The following LYST variants were observed in gnomAD, a reference collection of about 807,000 sequenced individuals.
LYST encodes the protein lysosomal trafficking regulator.
Under a neutral mutation model 413.6 loss-of-function variants are expected in LYST, and 192 were observed. The observed-to-expected ratio is 0.46, with a 90% CI of 0.41 to 0.52. The LOEUF (loss-of-function observed/expected upper bound fraction) is 0.52, where lower values mean the gene tolerates loss of function less well. LYST is among the 20% of genes least tolerant of loss of function. The pLI is 0.00. For missense variants in LYST, 3,815 were observed against 4,499.9 expected (o/e 0.85, Z 4.35); for synonymous variants, 1,525 against 1,567.3 (o/e 0.97, Z 0.64).
rs80338669 is a variant in LYST, at chr1:235,709,107, T to C, written c.10127A>G (p.Asn3376Ser). ...QKGKASVQAI[N>S]VFHPATYFGM... ...GTCACTTACAGCAGGATGAAAAACATTGATCGCTTGAACAGAAGCCTTCCC... is the reference window on the plus strand; with the variant it reads ...GTCACTTACAGCAGGATGAAAAACACTGATCGCTTGAACAGAAGCCTTCCC... The change falls in exon 44 of 53, where the codon AAT becomes AGT. Residue 3376 changes from asparagine (N) to serine (S), a missense_variant. Physicochemically the swap from Asn to Ser is conservative, Grantham distance 46. Coordinates refer to ENST00000389793, the MANE Select transcript of LYST (RefSeq NM_000081.4). 9.3e-6 allele frequency: 15 copies of C among 1,613,888 alleles called. No homozygotes were observed. The highest frequency in any genetic ancestry group is 1.2e-5 in the Non-Finnish European group (14 of 1,179,912).
chr1:235,752,477 C>T (rs113567183), intron 26 of LYST, among the ~76,000 whole-genome samples: 15 of 152,128 alleles, frequency 9.9e-5, no homozygotes, highest in African/African-American at 3.4e-4. Context: ...GATTAATACA[C>T]GATACTATAA....
At chr1:235,798,574 GT>G (rs1357565138) in intron 10 of LYST, among the ~76,000 whole-genome samples, 7 of 51,980 alleles carry the variant, frequency 1.3e-4, no homozygotes, top group Non-Finnish European at 2.0e-4. Context: ...GCAAAACCCT[GT>G]CATAAAAAAA....
intron 39 of LYST, among the ~76,000 whole-genome samples, chr1:235,723,340 G>A (rs964588899): frequency 2.0e-5 from 3 of 152,184 alleles, no homozygotes; most frequent in Non-Finnish European, 4.4e-5. Context: ...AAATGTGTAA[G>A]TTGTTAGAAT....
In LYST at chr1:235,709,145, C is replaced by T. The variant is rs918441712; in HGVS notation, c.10089G>A (p.Gly3363=). 1.2e-6 allele frequency: 2 copies of T among 1,614,074 alleles called. No individual in the cohort carries two copies. Among genetic ancestry groups the T allele is most frequent in the Non-Finnish European group, 8.5e-7 (1 of 1,180,008 alleles). Residue 3363 remains glycine (G), a synonymous_variant, in exon 44 of 53, where the codon GGG becomes GGA. Transcript: ENST00000389793. ...CAGAAGCCTTCCCCTTTTGCTTATACCCAAACACCAAGTCAATCCACTGAC... is the reference window on the plus strand; with the variant it reads ...CAGAAGCCTTCCCCTTTTGCTTATATCCAAACACCAAGTCAATCCACTGAC... ...NICQWIDLVF[G]YKQKGKASVQ...
chr1:235,810,093 GCTGGCTCA>G lies in LYST; in HGVS notation c.717_724del (p.Glu240CysfsTer7). 1 of 1,614,036 alleles carries G rather than the reference GCTGGCTCA, an allele frequency of 6.2e-7. No individual in the cohort carries two copies. On this transcript the variant is annotated frameshift_variant, in exon 5 of 53. Coordinates refer to ENST00000389793, the MANE Select transcript of LYST (RefSeq NM_000081.4). LOFTEE classifies it high-confidence loss of function. The stretch of plus-strand genomic sequence containing the variant: ...CATGTTACTGATAACAGACAAGGCA[GCTGGCTCA>G]CTTAAAATGTCAGTGTTTGACCCCT...
chr1:235,780,834 T>C (rs1669794920), intron 16 of LYST, 31 bp downstream of exon 16: 2 of 954,566 alleles, frequency 2.1e-6, no homozygotes, highest in African/African-American at 1.7e-5. Flanking sequence ...ACATTTACTA[T>C]AAAATTAAAA....
chr1:235,737,957 G>C, intron 31 of LYST: 2 of 1,273,640 alleles, frequency 1.6e-6, no homozygotes, highest in South Asian at 2.6e-5. Flanking sequence ...CCCGCCGGAC[G>C]TGCATTCTCG....
In LYST at chr1:235,765,269, TC is replaced by T. The variant is rs553042932; in HGVS notation, c.6121+809del. Among the ~76,000 whole-genome samples the T allele has an allele frequency of 2.8e-4, 42 of 152,282 alleles. No homozygotes were observed. The East Asian group carries it at 7.3e-3, about 27-fold the overall frequency. ...CTCCAGAGTCATTCCATCCTAAACTTCCCACTTCTCAATTTATCCCTCCTTT... is the reference window on the plus strand; with the variant it reads ...CTCCAGAGTCATTCCATCCTAAACTTCCACTTCTCAATTTATCCCTCCTTT... On this transcript the variant is annotated intron_variant, in intron 21 of 52. Transcript: ENST00000389793.
At chr1:235,757,260 A>G (rs1191886446) in intron 24 of LYST, 21 bp downstream of exon 24, 21 of 1,553,202 alleles carry the variant, frequency 1.4e-5, no homozygotes, top group Admixed American at 3.4e-5. Flanking sequence ...TTAAAATAAC[A>G]TATCTAGTAT....
chr1:235,699,696 C>T (rs1457669019), intron 45 of LYST, among the ~76,000 whole-genome samples: 11 of 152,226 alleles, frequency 7.2e-5, no homozygotes, highest in African/African-American at 2.2e-4. Flanking sequence ...TTCCCACTAA[C>T]GGTGTAAAAG....
At chr1:235,726,040 T>C (rs1226234229) in intron 38 of LYST, among the ~76,000 whole-genome samples, 3 of 152,228 alleles carry the variant, frequency 2.0e-5, no homozygotes, top group Non-Finnish European at 4.4e-5. Context: ...AGAGAAATAA[T>C]GAAAAGTTTC....
intron 2 of LYST, among the ~76,000 whole-genome samples, chr1:235,833,306 T>C (rs1156530261): frequency 6.6e-6 from 1 of 152,168 alleles, no homozygotes; most frequent in Non-Finnish European, 1.5e-5. Flanking sequence ...ACAAAGAATA[T>C]ATAACATGAG....
In LYST at chr1:235,677,192, A is replaced by G. The variant is rs1285268449; in HGVS notation, c.10941-4T>C. The G allele has an allele frequency of 6.3e-7, 1 of 1,593,130 alleles. No homozygotes were observed. The highest frequency in any genetic ancestry group is 8.6e-7 in the Non-Finnish European group (1 of 1,160,896). ...CAGACTTTGTACATAGCATAACCTG[A>G]AAGAAAAAAGACATGAATTTGTATA... is the stretch of plus-strand genomic sequence containing the variant. On this transcript the variant is annotated splice_polypyrimidine_tract_variant and splice_region_variant and intron_variant, in intron 49 of 52. Transcript: ENST00000389793.
In LYST at chr1:235,686,652, G is replaced by A. The variant is rs1660246975; in HGVS notation, c.10800+297C>T. On this transcript the variant is annotated intron_variant, in intron 48 of 52. Coordinates refer to ENST00000389793, the MANE Select transcript of LYST (RefSeq NM_000081.4). This position sits in a 1 kb window ranked among gnomAD's most constrained non-coding sequence, Gnocchi z 4.0. ...ATAGACTCTTACAGTATACTCCTAA[G>A]GATTCAGGTTGCTATCGCAAATACA... is the stretch of plus-strand genomic sequence containing the variant. 6.6e-6 allele frequency among the ~76,000 whole-genome samples: 1 copy of A among 152,076 alleles called. No homozygotes were observed. The highest frequency in any genetic ancestry group is 2.1e-4 in the South Asian group (1 of 4,818).
intron 38 of LYST, among the ~76,000 whole-genome samples, chr1:235,726,821 C>T (rs1663918534): frequency 6.6e-6 from 1 of 152,168 alleles, no homozygotes; most frequent in Non-Finnish European, 1.5e-5. Flanking sequence ...TCTGTCACCT[C>T]ATGTCAAATG....
rs375984965 is a variant in LYST, at chr1:235,699,431, G to A, written c.10375-2159C>T. 9.9e-5 allele frequency among the ~76,000 whole-genome samples: 15 copies of A among 152,140 alleles called. No homozygotes were observed. The East Asian group carries it at 1.4e-3, about 14-fold the overall frequency. ...ATGACATGATCTCATTATTTTTTACGGCTGCATAGTATTTCATGGTATATA... is the reference window on the plus strand; with the variant it reads ...ATGACATGATCTCATTATTTTTTACAGCTGCATAGTATTTCATGGTATATA... On this transcript the variant is annotated intron_variant, in intron 45 of 52. Coordinates refer to ENST00000389793, the MANE Select transcript of LYST (RefSeq NM_000081.4).
At chr1:235,750,022 G>C (rs1243367430) in intron 28 of LYST, among the ~76,000 whole-genome samples, 8 of 152,082 alleles carry the variant, frequency 5.3e-5, no homozygotes, top group Non-Finnish European at 1.2e-4. Context: ...AGAAACAGCA[G>C]GGGTAGTAAA....
chr1:235,664,362 C>T lies in LYST; in HGVS notation c.11195+103G>A. On this transcript the variant is annotated intron_variant, in intron 51 of 52. Coordinates refer to ENST00000389793, the MANE Select transcript of LYST (RefSeq NM_000081.4). This position sits in a 1 kb window ranked among gnomAD's most constrained non-coding sequence, Gnocchi z 4.5. ...TACACCCCAAGGTGAGTTTAAATCT[C>T]TAAATACTGAATATTAATATGCCTA... 9.0e-7 allele frequency: 1 copy of T among 1,115,116 alleles called. No individual in the cohort carries two copies. The highest frequency in any genetic ancestry group is 1.3e-6 in the Non-Finnish European group (1 of 753,176). The allele number at this position is 1,115,116 out of a possible 1,614,324, so 69.1% of individuals were successfully genotyped here.
At chr1:235,755,303 C>A (rs980744953) in intron 25 of LYST, among the ~76,000 whole-genome samples, 175 bp downstream of exon 25, 2 of 151,392 alleles carry the variant, frequency 1.3e-5, no homozygotes, top group Admixed American at 1.3e-4. Context: ...GCAGGAGAAT[C>A]GCTTGAACCT....
Sources: gnomAD v4.1 joint callset for allele counts (sites outside exome capture counted in the v4.1 genomes callset) on GRCh38, gnomAD v4.1.1 for gene constraint, Gnocchi (gnomAD v3.1) non-coding constraint, MANE v1.5 for transcripts, NCBI Gene and HGNC (gene_info 2026-07-23, HGNC 2026-07-21) for gene names.